Variants in GPM6B observed in about 807,000 individuals in gnomAD.
The protein encoded by GPM6B is glycoprotein M6B.
GPM6B carries 4 observed loss-of-function variants against 27.2 expected under a neutral mutation model. The ratio of observed to expected loss-of-function variants is 0.15; its 90% CI spans 0.07 to 0.34. The LOEUF (loss-of-function observed/expected upper bound fraction) is 0.34, where lower values mean the gene tolerates loss of function less well. Ranked by LOEUF, GPM6B falls within the 10% of genes least tolerant of loss-of-function variation. GPM6B has a pLI of 1.00. For synonymous variants in GPM6B, 124 were observed against 103.1 expected (o/e 1.20, Z -1.23); for missense variants, 183 against 261.9 (o/e 0.70, Z 2.08).
In GPM6B at chrX:13,920,393, G is replaced by A. The variant is rs183821204; in HGVS notation, c.-198+17934C>T. ...GGTAGGGGTGGTGGGGTTGTATTTA[G>A]ATCACTACCTTCTTCTATTAGAACC... On this transcript the variant is annotated intron_variant, in intron 1 of 6. Transcript: ENST00000398361. 2.8e-5 allele frequency among the ~76,000 whole-genome samples: 3 copies of A among 109,008 alleles called. No homozygotes were observed. The East Asian group carries it at 8.6e-4, about 31-fold the overall frequency. 94.7% of individuals were successfully genotyped at this position (109,008 alleles called of 115,157 possible).
At chrX:13,804,424 G>T (rs1246648675) in intron 2 of GPM6B, among the ~76,000 whole-genome samples, 17 of 80,683 alleles carry the variant, frequency 2.1e-4, no homozygotes, top group Non-Finnish European at 3.3e-4. Flanking sequence ...CGGCGGGGGG[G>T]GCGGGGGGCG....
In GPM6B at chrX:13,774,482, G is replaced by A. The variant is rs765740629; in HGVS notation, c.838-1452C>T. On this transcript the variant is annotated intron_variant, in intron 7 of 7. Transcript: ENST00000316715. ...TTGCAGAAACCTAGACTCTGCTTTA[G>A]TCTGGAGTGTCAGTGATATTTCATG... is the stretch of plus-strand genomic sequence containing the variant. The A allele has an allele frequency of 7.5e-6, 9 of 1,203,652 alleles. No individual in the cohort carries two copies. In the East Asian group the frequency reaches 2.4e-4, roughly 32 times the overall value.
In GPM6B at chrX:13,858,124, T is replaced by A. The variant is rs1412573040; in HGVS notation, c.-197-72316A>T. On this transcript the variant is annotated intron_variant, in intron 1 of 6. Coordinates refer to the GPM6B transcript ENST00000398361. ...AAAGACTTGTATGAGAGGTGCTTTT[T>A]ACATGTGTGCTTGTGATAAGGCATC... Among the ~76,000 whole-genome samples, 3 of 112,437 alleles carry A rather than the reference T, an allele frequency of 2.7e-5. No homozygotes were observed. In the East Asian group the frequency reaches 8.4e-4, roughly 31 times the overall value.
At chrX:13,900,356 A>G (rs1448671022) in intron 1 of GPM6B, among the ~76,000 whole-genome samples, 3 of 111,857 alleles carry the variant, frequency 2.7e-5, no homozygotes, top group Non-Finnish European at 5.6e-5. Flanking sequence ...AAAGGCCTGA[A>G]GTTGGCTGTG....
intron 1 of GPM6B, among the ~76,000 whole-genome samples, chrX:13,930,343 G>A (rs774649041): frequency 3.4e-4 from 38 of 111,313 alleles, no homozygotes; most frequent in African/African-American, 1.0e-3. Flanking sequence ...GGCCGGGCAC[G>A]GTGGCTCACA....
chrX:13,799,190 ATTTTTTTTTTTTTTTTTTTTTTT>A (rs763194245), intron 2 of GPM6B, among the ~76,000 whole-genome samples: 13 of 35,957 alleles, frequency 3.6e-4, no homozygotes, highest in Non-Finnish European at 5.1e-4. Context: ...AGCCAACCTA[ATTTTTTTTTTTTTTTTTTTTTTT>A]TTTTTTTTTT....
rs200525208 is a variant in GPM6B, at chrX:13,837,576, CTCTT to C, written c.-197-51772_-197-51769del. On this transcript the variant is annotated intron_variant, in intron 1 of 6. Transcript: ENST00000398361. ...AACCCTCATAATGCCACCTTCTCCT[CTCTT>C]TATCATCATTCATATCTCAGCTATG... 7.6e-3 allele frequency among the ~76,000 whole-genome samples: 844 copies of C among 111,565 alleles called. 9 individuals are homozygous for C. Among genetic ancestry groups the C allele is most frequent in the African/African-American group, 0.025 (780 of 30,683 alleles).
intron 7 of GPM6B, chrX:13,774,270 G>GT: frequency 2.3e-6 from 2 of 853,563 alleles, no homozygotes; most frequent in Non-Finnish European, 2.9e-6. Flanking sequence ...GCTCTCTAAT[G>GT]TTTAAGTATG....
chrX:13,871,681 A>G (rs1022489116), intron 1 of GPM6B, among the ~76,000 whole-genome samples: 1 of 112,480 alleles, frequency 8.9e-6, no homozygotes, highest in Non-Finnish European at 1.9e-5. Flanking sequence ...GAGCTGCTCT[A>G]TAACATATAG....
intron 1 of GPM6B, among the ~76,000 whole-genome samples, chrX:13,892,130 T>C (rs1603117359): frequency 8.9e-6 from 1 of 111,938 alleles, no homozygotes; most frequent in East Asian, 2.8e-4. Context: ...CTGTCCAGCA[T>C]AGCTCTTGGT....
At chrX:13,862,199 C>T (rs1437685121) in intron 1 of GPM6B, among the ~76,000 whole-genome samples, 12 of 111,215 alleles carry the variant, frequency 1.1e-4, no homozygotes, top group Non-Finnish European at 1.3e-4. Flanking sequence ...ACAACTACAA[C>T]AAAAAACAAC....
chrX:13,875,610 A>G (rs2050025252), intron 1 of GPM6B, among the ~76,000 whole-genome samples: 1 of 112,195 alleles, frequency 8.9e-6, no homozygotes, highest in African/African-American at 3.2e-5. Flanking sequence ...CCACAAGGTA[A>G]AAACAGCCCA....
At chrX:13,851,670 A>G in intron 1 of GPM6B, among the ~76,000 whole-genome samples, 1 of 109,404 alleles carries the variant, frequency 9.1e-6, no homozygotes, top group Non-Finnish European at 1.9e-5. Flanking sequence ...TCGAGGGACA[A>G]TGATCCCATC....
chrX:13,856,323 G>T (rs956466757), intron 1 of GPM6B, among the ~76,000 whole-genome samples: 1 of 111,564 alleles, frequency 9.0e-6, no homozygotes, highest in African/African-American at 3.3e-5. Flanking sequence ...AAAGGAAAGA[G>T]AAGCCCAGAC....
intron 1 of GPM6B, among the ~76,000 whole-genome samples, chrX:13,891,737 T>A (rs2050190692): frequency 8.9e-6 from 1 of 111,875 alleles, no homozygotes; most frequent in African/African-American, 3.2e-5. Context: ...ATGATTTAAG[T>A]CTGCTTGTCT....
chrX:13,853,171 T>C (rs2049739175), intron 1 of GPM6B, among the ~76,000 whole-genome samples: 1 of 111,345 alleles, frequency 9.0e-6, no homozygotes, highest in African/African-American at 3.3e-5. Flanking sequence ...CTACTTTAAA[T>C]ATTCACTTAG....
At chrX:13,916,039 G>A (rs1205967701) in intron 1 of GPM6B, among the ~76,000 whole-genome samples, 7 of 111,952 alleles carry the variant, frequency 6.3e-5, no homozygotes, top group Admixed American at 3.8e-4. Context: ...AGGCTCGGCC[G>A]GATTTTCAGC....
At chrX:13,848,431 CTTTA>C (rs1163919728) in intron 1 of GPM6B, among the ~76,000 whole-genome samples, 3 of 111,837 alleles carry the variant, frequency 2.7e-5, no homozygotes, top group Non-Finnish European at 5.6e-5. Context: ...TTTATTTAGA[CTTTA>C]TTTTACATGT....
intron 1 of GPM6B, among the ~76,000 whole-genome samples, chrX:13,869,838 A>AGACTAAT (rs1368850558): frequency 1.8e-5 from 2 of 112,116 alleles, no homozygotes; most frequent in Non-Finnish European, 3.8e-5. Context: ...CCTTGGCACA[A>AGACTAAT]TGCTGTTAAC....
Sources: allele counts gnomAD v4.1 joint callset (sites outside exome capture counted in the v4.1 genomes callset), GRCh38; gene constraint gnomAD v4.1.1; transcripts MANE v1.5; gene names NCBI Gene and HGNC (gene_info 2026-07-23, HGNC 2026-07-21).